C11orf65: variants seen among roughly 807,000 people sequenced by gnomAD.
C11orf65 encodes the protein protein MFI.
Under a neutral mutation model 35.3 loss-of-function variants are expected in C11orf65, and 38 were observed. That is an observed-to-expected ratio of 1.08 (90% confidence interval 0.83 to 1.41). C11orf65 has a LOEUF of 1.41. Ranked by LOEUF, C11orf65 falls within the 40% of genes most tolerant of loss-of-function variation. The pLI is 0.00. For synonymous variants in C11orf65, 105 were observed against 114.4 expected (o/e 0.92, Z 0.53); for missense variants, 370 against 367.1 (o/e 1.01, Z -0.06).
At chr11:108,421,926 T>C (rs2092822824) in intron 3 of C11orf65, among the ~76,000 whole-genome samples, 1 of 152,180 alleles carries the variant, frequency 6.6e-6, no homozygotes, top group Non-Finnish European at 1.5e-5. Flanking sequence ...ATAAAGTTGA[T>C]TCTGATGGTT....
At chr11:108,327,188 CATT>C (rs2085765626), downstream of C11orf65, among the ~76,000 whole-genome samples, 2 of 152,118 alleles carry the variant, frequency 1.3e-5, no homozygotes, top group Non-Finnish European at 2.9e-5. Context: ...TTAGAGAAAT[CATT>C]ATACCAAAGC....
chr11:108,434,008 T>C (rs1228795724), intron 2 of C11orf65, among the ~76,000 whole-genome samples: 2 of 152,146 alleles, frequency 1.3e-5, no homozygotes, highest in African/African-American at 2.4e-5. Flanking sequence ...GGAAGAGGTA[T>C]GTGCAGACTT....
chr11:108,333,216 C>T (rs1190164825), intron 3 of C11orf65, among the ~76,000 whole-genome samples: 1 of 152,064 alleles, frequency 6.6e-6, no homozygotes, highest in African/African-American at 2.4e-5. Context: ...ACATTTCTAG[C>T]CTCAAAAGTT....
intron 3 of C11orf65, among the ~76,000 whole-genome samples, chr11:108,420,720 A>T (rs914372971): frequency 6.6e-6 from 1 of 152,174 alleles, no homozygotes; most frequent in Non-Finnish European, 1.5e-5. Context: ...AGTTTTCCTC[A>T]AATTGAGCCA....
rs774671174 is a variant in C11orf65 at position 108,431,844 on chromosome 11, G to C, written c.82-6C>G. 6.9e-7 allele frequency: 1 copy of C among 1,444,608 alleles called. No homozygotes were observed. The highest frequency in any genetic ancestry group is 9.4e-7 in the Non-Finnish European group (1 of 1,067,754). 89.5% of individuals were successfully genotyped at this position (1,444,608 alleles called of 1,614,324 possible). On this transcript the variant is annotated splice_region_variant and splice_polypyrimidine_tract_variant and intron_variant, in intron 2 of 8. Coordinates refer to ENST00000393084, the MANE Select transcript of C11orf65 (RefSeq NM_152587.5). Reference sequence around the variant, plus strand: ...TGTTGAAATATAGCGACATTCTAAAGGTTCAAACACAAGATTTCATGATCA... The same window carrying C: ...TGTTGAAATATAGCGACATTCTAAACGTTCAAACACAAGATTTCATGATCA...
In C11orf65 at chr11:108,407,920, A is replaced by T. The variant is rs1436975910; in HGVS notation, c.175-771T>A. Among the ~76,000 whole-genome samples the T allele has an allele frequency of 2.4e-5, 3 of 126,968 alleles. No homozygotes were observed. The Admixed American group carries it at 2.7e-4, about 11-fold the overall frequency. 83.3% of individuals were successfully genotyped at this position (126,968 alleles called of 152,430 possible). ...GCACTCCAGCCTGGGCGACAGAGCA[A>T]GACTCTGTCTCAAAAAAAAAAAAAA... On this transcript the variant is annotated intron_variant, in intron 3 of 8. Transcript: ENST00000393084.
At chr11:108,322,148 CT>C (rs533024262) in intron 6 of C11orf65, among the ~76,000 whole-genome samples, 1 of 151,796 alleles carries the variant, frequency 6.6e-6, no homozygotes, top group East Asian at 1.9e-4. Flanking sequence ...GTTTTGTTTT[CT>C]TTTTTTTCTT....
At chr11:108,445,379 C>T (rs1013350992) in intron 2 of C11orf65, among the ~76,000 whole-genome samples, 7 of 152,156 alleles carry the variant, frequency 4.6e-5, no homozygotes, top group African/African-American at 1.2e-4. Flanking sequence ...TGACAACTCA[C>T]GCAGCAGGGT....
At chr11:108,415,010 A>G (rs538219108) in intron 3 of C11orf65, among the ~76,000 whole-genome samples, 1 of 152,250 alleles carries the variant, frequency 6.6e-6, no homozygotes, top group East Asian at 1.9e-4. Flanking sequence ...TTGGCAAACT[A>G]GGACTAGAGG....
At chr11:108,328,703 T>A (rs964249973), downstream of C11orf65, among the ~76,000 whole-genome samples, 4 of 152,196 alleles carry the variant, frequency 2.6e-5, no homozygotes, top group Non-Finnish European at 4.4e-5. Context: ...TGGGCCACAT[T>A]GCAAGAAGAA....
intron 6 of C11orf65, among the ~76,000 whole-genome samples, chr11:108,313,290 C>G (rs183920006): frequency 6.6e-6 from 1 of 152,172 alleles, no homozygotes; most frequent in Admixed American, 6.6e-5. Context: ...TAAAAATTCC[C>G]TTTCTCACAA....
chr11:108,330,281 C>T (rs730881383), downstream of C11orf65: 74 of 1,614,040 alleles, frequency 4.6e-5, no homozygotes, highest in Admixed American at 6.7e-5. Context: ...GAAAGAGGAT[C>T]GTAAACGCTT....
intron 2 of C11orf65, among the ~76,000 whole-genome samples, chr11:108,448,632 T>C (rs2093301655): frequency 6.6e-6 from 1 of 152,138 alleles, no homozygotes; most frequent in East Asian, 1.9e-4. Flanking sequence ...ATGGGACGTA[T>C]CTCAAAATAA....
chr11:108,420,662 T>C (rs1470624340), intron 3 of C11orf65, among the ~76,000 whole-genome samples: 1 of 152,158 alleles, frequency 6.6e-6, no homozygotes, highest in Admixed American at 6.5e-5. Flanking sequence ...TATCCCTTAT[T>C]TCCCACAAAT....
intron 2 of C11orf65, among the ~76,000 whole-genome samples, chr11:108,371,977 A>G (rs2091586894): frequency 6.6e-6 from 1 of 152,182 alleles, no homozygotes; most frequent in African/African-American, 2.4e-5. Flanking sequence ...TTTTACACAA[A>G]TCCTATAAAT....
At chr11:108,459,098 A>G (rs1443668277) in intron 2 of C11orf65, among the ~76,000 whole-genome samples, 2 of 152,208 alleles carry the variant, frequency 1.3e-5, no homozygotes, top group Admixed American at 6.5e-5. Context: ...TCTAATGGGT[A>G]TCGTCAAGTA....
intron 2 of C11orf65, among the ~76,000 whole-genome samples, chr11:108,457,897 T>C (rs931532894): frequency 1.3e-5 from 2 of 152,112 alleles, no homozygotes; most frequent in Non-Finnish European, 2.9e-5. Flanking sequence ...CCCACTTGAC[T>C]GTATCTAGAA....
In C11orf65 at chr11:108,347,330, A is replaced by G. The variant is rs1565567277; in HGVS notation, c.227-12038T>C. The G allele has an allele frequency of 6.2e-7, 1 of 1,611,416 alleles. No homozygotes were observed. The highest frequency in any genetic ancestry group is 8.5e-7 in the Non-Finnish European group (1 of 1,177,768). The stretch of plus-strand genomic sequence containing the variant: ...AGACATGTACAGAATATCTTGATAA[A>G]TGAGCAGTCAGCAGAACTTGTACAT... On this transcript the variant is annotated intron_variant, in intron 2 of 3. Coordinates refer to the C11orf65 transcript ENST00000524755.
chr11:108,377,256 G>A (rs2091754510), intron 2 of C11orf65, among the ~76,000 whole-genome samples: 1 of 152,108 alleles, frequency 6.6e-6, no homozygotes, highest in Non-Finnish European at 1.5e-5. Context: ...ACTGAATCCA[G>A]CAGCACATCA....
Sources: gnomAD v4.1 joint callset for allele counts (sites outside exome capture counted in the v4.1 genomes callset) on GRCh38, gnomAD v4.1.1 for gene constraint, MANE v1.5 for transcripts, NCBI Gene and HGNC (gene_info 2026-07-23, HGNC 2026-07-21) for gene names.